The following LIPT1 variants were observed in gnomAD, a reference collection of about 807,000 sequenced individuals.
LIPT1 encodes the protein lipoyltransferase 1, also known as lipoyl amidotransferase LIPT1, mitochondrial.
A neutral mutation model predicts 25.1 loss-of-function variants in LIPT1; 22 were observed. The observed-to-expected ratio is 0.88, with a 90% CI of 0.63 to 1.25. The LOEUF (loss-of-function observed/expected upper bound fraction) is 1.25, where lower values mean the gene tolerates loss of function less well. Among genes scored for constraint, LIPT1 ranks in the 50% most tolerant of loss-of-function variants. The pLI is 0.00. For synonymous variants in LIPT1, 131 were observed against 150.8 expected (o/e 0.87, Z 0.96); for missense variants, 399 against 432.8 (o/e 0.92, Z 0.69).
intron 1 of LIPT1, chr2:99,155,680 A>G (rs2093744791): frequency 2.6e-6 from 1 of 384,862 alleles, no homozygotes; most frequent in South Asian, 1.9e-5. Context: ...CGACTGTGAA[A>G]TATCCTGAAA....
intron 1 of LIPT1, among the ~76,000 whole-genome samples, chr2:99,160,303 G>T (rs1383049217): frequency 1.3e-5 from 2 of 152,200 alleles, no homozygotes; most frequent in African/African-American, 4.8e-5. Context: ...AGCTGCTTCA[G>T]AGGCTGAGAT....
At chr2:99,156,904 G>T (rs1469858717) in intron 1 of LIPT1, 1 of 152,160 alleles carries the variant, frequency 6.6e-6, no homozygotes, top group Non-Finnish European at 1.5e-5. Flanking sequence ...TTCACTTGAG[G>T]GAATACATGG....
chr2:99,160,017 T>A (rs2093776278), intron 1 of LIPT1, among the ~76,000 whole-genome samples: 1 of 152,236 alleles, frequency 6.6e-6, no homozygotes, highest in South Asian at 2.1e-4. Context: ...GTAAACTGAT[T>A]CAACTTTTTG....
intron 1 of LIPT1, among the ~76,000 whole-genome samples, chr2:99,158,339 A>G (rs1035135100): frequency 1.3e-5 from 2 of 149,838 alleles, no homozygotes; most frequent in African/African-American, 4.9e-5. Flanking sequence ...CATGCCTGTA[A>G]TCCGAGTGCT....
chr2:99,161,862 G>A (rs2093795492), intron 1 of LIPT1, 95 bp from the exon 2 acceptor site: 2 of 1,168,720 alleles, frequency 1.7e-6, no homozygotes, highest in Non-Finnish European at 2.4e-6. Context: ...GATACTTTAA[G>A]TTTGGATTAA....
intron 1 of LIPT1, among the ~76,000 whole-genome samples, chr2:99,160,419 A>T (rs1021893770): frequency 2.0e-5 from 3 of 152,202 alleles, no homozygotes; most frequent in Non-Finnish European, 2.9e-5. Context: ...CCTAGTTATG[A>T]ACTTTCTTTA....
chr2:99,155,353 CGTAATGAGATTCTGA>C (rs531213851), intron 1 of LIPT1: 56 of 387,382 alleles, frequency 1.4e-4, no homozygotes, highest in South Asian at 8.0e-4. Context: ...TGCACACGAC[CGTAATGAGATTCTGA>C]GTAAGTTGTA....
At position 99,162,302 on chromosome 2, in the gene LIPT1, G is replaced by C; in HGVS notation, c.345G>C (p.Leu115Phe). ...ACCATGATATGGGTAATATCAATTT[G>C]ACTTTCTTTACAACCAAAAAAAAGT... is the stretch of plus-strand genomic sequence containing the variant. The part of the protein sequence containing the change: ...TVYHDMGNIN[L>F]TFFTTKKKYD... Residue 115 changes from leucine (L) to phenylalanine (F), a missense_variant, in exon 2 of 2, where the codon TTG becomes TTC. Transcript: ENST00000651691. The C allele has an allele frequency of 6.2e-7, 1 of 1,612,736 alleles. No individual in the cohort carries two copies. The highest frequency in any genetic ancestry group is 8.5e-7 in the Non-Finnish European group (1 of 1,179,744).
intron 1 of LIPT1, among the ~76,000 whole-genome samples, chr2:99,157,932 C>G (rs1190868977): frequency 6.6e-6 from 1 of 152,172 alleles, no homozygotes; most frequent in African/African-American, 2.4e-5. Context: ...GAAATTTCAC[C>G]TCTTTGCCAG....
intron 1 of LIPT1, among the ~76,000 whole-genome samples, chr2:99,160,992 G>A (rs908902750): frequency 2.0e-5 from 3 of 151,696 alleles, no homozygotes; most frequent in African/African-American, 7.3e-5. Flanking sequence ...GGGCCAACGC[G>A]GTGGCTCATG....
chr2:99,160,258 A>C (rs2093778093), intron 1 of LIPT1, among the ~76,000 whole-genome samples: 1 of 152,194 alleles, frequency 6.6e-6, no homozygotes, highest in Non-Finnish European at 1.5e-5. Context: ...AAATTTAAAA[A>C]TTAGCCAGGC....
intron 1 of LIPT1, chr2:99,156,389 G>C (rs190816941): frequency 6.6e-6 from 1 of 151,966 alleles, no homozygotes; most frequent in Non-Finnish European, 1.5e-5. Flanking sequence ...TCAGCCTCCC[G>C]AGTAGCTGAG....
At chr2:99,160,725 A>G (rs1378599664) in intron 1 of LIPT1, among the ~76,000 whole-genome samples, 1 of 152,194 alleles carries the variant, frequency 6.6e-6, no homozygotes, top group East Asian at 1.9e-4. Flanking sequence ...TCTGACCTCA[A>G]GGGTTCATCC....
At chr2:99,156,834 G>A (rs2093759361) in intron 1 of LIPT1, 1 of 152,140 alleles carries the variant, frequency 6.6e-6, no homozygotes. Flanking sequence ...CAATATCTTG[G>A]ACTATAGTTA....
chr2:99,157,416 G>A lies in LIPT1; in HGVS notation c.-2+2365G>A, dbSNP rs146398328. On this transcript the variant is annotated intron_variant, in intron 1 of 1. Coordinates refer to ENST00000651691, the MANE Select transcript of LIPT1 (RefSeq NM_145199.3). ...GCATCTAAACATGCTCAGATCTATT[G>A]CATCTTAAGTCCTCTCCTAACTCCA... 6.6e-3 allele frequency among the ~76,000 whole-genome samples: 1,004 copies of A among 152,180 alleles called. 4 individuals are homozygous for A. Among genetic ancestry groups the A allele is most frequent in the Non-Finnish European group, 0.011 (754 of 68,008 alleles).
intron 1 of LIPT1, chr2:99,156,371 C>T (rs1414949055): frequency 6.6e-6 from 1 of 152,248 alleles, no homozygotes; most frequent in Non-Finnish European, 1.5e-5. Flanking sequence ...TCAAGCGATT[C>T]TCCTGCCTCA....
At chr2:99,159,469 A>G (rs1029672036) in intron 1 of LIPT1, among the ~76,000 whole-genome samples, 1 of 152,180 alleles carries the variant, frequency 6.6e-6, no homozygotes, top group Non-Finnish European at 1.5e-5. Context: ...GCCTTAGTCC[A>G]TTAACTGTTC....
At chr2:99,160,314 G>A (rs1044962367) in intron 1 of LIPT1, among the ~76,000 whole-genome samples, 1 of 152,122 alleles carries the variant, frequency 6.6e-6, no homozygotes, top group African/African-American at 2.4e-5. Context: ...AGGCTGAGAT[G>A]TGGAGATTGC....
At chr2:99,155,979 T>G (rs1353677012) in intron 1 of LIPT1, among the ~76,000 whole-genome samples, 1 of 152,222 alleles carries the variant, frequency 6.6e-6, no homozygotes, top group Non-Finnish European at 1.5e-5. Context: ...CATCTGAATA[T>G]CTGATAGATG....
Sources: gnomAD v4.1 joint callset for allele counts (sites outside exome capture counted in the v4.1 genomes callset) on GRCh38, gnomAD v4.1.1 for gene constraint, MANE v1.5 for transcripts, NCBI Gene and HGNC (gene_info 2026-07-23, HGNC 2026-07-21) for gene names.